The following LSAMP variants were observed in gnomAD, a reference collection of about 807,000 sequenced individuals.
The protein encoded by LSAMP is limbic system-associated membrane protein.
Under a neutral mutation model 38.6 loss-of-function variants are expected in LSAMP, and 7 were observed. The ratio of observed to expected loss-of-function variants is 0.18; its 90% confidence interval spans 0.10 to 0.34. The LOEUF is 0.34. Among genes scored for constraint, LSAMP ranks in the 10% least tolerant of loss-of-function variants. The pLI is 1.00. For synonymous variants in LSAMP, 154 were observed against 166.8 expected, an observed-to-expected ratio of 0.92 and a Z score of 0.59; for missense variants, 313 against 420.0, an observed-to-expected ratio of 0.75 and a Z score of 2.23.
At chr3:115,902,609 T>C (rs1331655393) in intron 3 of LSAMP, among the ~76,000 whole-genome samples, 1 of 152,160 alleles carries the variant, frequency 6.6e-6, no homozygotes, top group Non-Finnish European at 1.5e-5. Context: ...AAAGGTTTAA[T>C]ATCCAGCATC....
chr3:116,033,782 GA>G (rs1023021537), intron 2 of LSAMP, among the ~76,000 whole-genome samples: 36 of 151,862 alleles, frequency 2.4e-4, no homozygotes, highest in Admixed American at 2.4e-3. Context: ...GGTTCATATA[GA>G]AAAAAAACCT....
chr3:116,410,120 A>G (rs567405493), intron 1 of LSAMP, among the ~76,000 whole-genome samples: 4 of 152,202 alleles, frequency 2.6e-5, no homozygotes, highest in African/African-American at 7.2e-5. Flanking sequence ...AATTTTCAGC[A>G]CATTAAGATA....
chr3:116,392,228 C>A (rs1480400939), intron 1 of LSAMP, among the ~76,000 whole-genome samples: 2 of 152,192 alleles, frequency 1.3e-5, no homozygotes, highest in African/African-American at 4.8e-5. Context: ...AGTGGGAACT[C>A]TCCAGGTGCA....
In LSAMP at chr3:116,163,092, T is replaced by C. The variant is rs200900531; in HGVS notation, c.156-76536A>G. On this transcript the variant is annotated intron_variant, in intron 1 of 6. Coordinates refer to ENST00000490035, the MANE Select transcript of LSAMP (RefSeq NM_002338.5). ...TTTTTTTTAAATTTTATTATTATTA[T>C]ACTTTAAGTTTTAGGGTACATGTGC... is the stretch of plus-strand genomic sequence containing the variant. 4.6e-5 allele frequency among the ~76,000 whole-genome samples: 7 copies of C among 152,110 alleles called. No homozygotes were observed. The East Asian group carries it at 9.7e-4, about 21-fold the overall frequency.
intron 3 of LSAMP, among the ~76,000 whole-genome samples, chr3:115,904,111 CAAA>C (rs957751464): frequency 6.6e-6 from 1 of 151,308 alleles, no homozygotes; most frequent in South Asian, 2.1e-4. Context: ...CGACGGTAGT[CAAA>C]AAAAGTGAAG....
chr3:116,168,836 T>C (rs1576407669), intron 1 of LSAMP, among the ~76,000 whole-genome samples: 1 of 152,204 alleles, frequency 6.6e-6, no homozygotes, highest in Admixed American at 6.5e-5. Context: ...GTTCATTATA[T>C]ATTTCTAAAC....
intron 1 of LSAMP, among the ~76,000 whole-genome samples, chr3:116,241,190 A>C (rs1249895062): frequency 1.3e-5 from 2 of 151,644 alleles, no homozygotes; most frequent in South Asian, 2.1e-4. Context: ...AAAAAAAAAA[A>C]AACTTGCAGA....
chr3:115,831,587 C>A (rs578082727), intron 6 of LSAMP, among the ~76,000 whole-genome samples: 1 of 152,180 alleles, frequency 6.6e-6, no homozygotes, highest in South Asian at 2.1e-4. Flanking sequence ...TGCTCAGTAC[C>A]CAGAAACCTC....
intron 1 of LSAMP, among the ~76,000 whole-genome samples, chr3:116,188,659 G>A (rs1314600398): frequency 6.6e-6 from 1 of 152,104 alleles, no homozygotes; most frequent in Non-Finnish European, 1.5e-5. Context: ...AATCACTCCT[G>A]GGAAACGGGA....
chr3:116,427,377 C>T (rs1315793442), intron 1 of LSAMP, among the ~76,000 whole-genome samples: 1 of 152,080 alleles, frequency 6.6e-6, no homozygotes, highest in East Asian at 1.9e-4. Context: ...GCCTCGGCCT[C>T]CCAAAGTGCT....
intron 1 of LSAMP, among the ~76,000 whole-genome samples, chr3:116,119,511 A>C (rs1432874839): frequency 6.6e-6 from 1 of 152,114 alleles, no homozygotes; most frequent in Non-Finnish European, 1.5e-5. Context: ...TAAAACAAAT[A>C]CTGGGGTTAG....
intron 1 of LSAMP, among the ~76,000 whole-genome samples, chr3:116,162,610 ATGTT>A (rs1255813671): frequency 8.6e-5 from 13 of 151,498 alleles, no homozygotes; most frequent in Admixed American, 8.6e-4. Flanking sequence ...ATGAATGTGT[ATGTT>A]TTATATGTGC....
chr3:116,303,799 A>C (rs1440737239), intron 1 of LSAMP, among the ~76,000 whole-genome samples: 1 of 152,190 alleles, frequency 6.6e-6, no homozygotes, highest in Non-Finnish European at 1.5e-5. Flanking sequence ...GGATGCGCAG[A>C]ACAATCATCT....
chr3:115,926,501 C>T (rs1463518429), intron 3 of LSAMP, among the ~76,000 whole-genome samples: 3 of 152,180 alleles, frequency 2.0e-5, no homozygotes, highest in East Asian at 3.9e-4. Flanking sequence ...ACAGTTGGAT[C>T]GCCAGTGCAA....
At chr3:115,951,557 G>A (rs1288738169) in intron 3 of LSAMP, among the ~76,000 whole-genome samples, 1 of 152,178 alleles carries the variant, frequency 6.6e-6, no homozygotes, top group Non-Finnish European at 1.5e-5. Flanking sequence ...TAACATTTGA[G>A]TCAGTGGACT....
At chr3:116,050,178 A>G (rs1941367913) in intron 2 of LSAMP, among the ~76,000 whole-genome samples, 1 of 152,126 alleles carries the variant, frequency 6.6e-6, no homozygotes, top group Admixed American at 6.5e-5. Context: ...CAGCATCTCC[A>G]TGGGCTGCCT....
chr3:115,823,446 A>G (rs990309387), intron 6 of LSAMP, among the ~76,000 whole-genome samples: 22 of 152,372 alleles, frequency 1.4e-4, no homozygotes, highest in African/African-American at 5.0e-4. Flanking sequence ...TCTGTAGTAC[A>G]CTGGCAGCTC....
intron 3 of LSAMP, among the ~76,000 whole-genome samples, chr3:115,953,443 A>ACACAC (rs71141846): frequency 7.1e-6 from 1 of 141,808 alleles, no homozygotes; most frequent in African/African-American, 2.6e-5. Flanking sequence ...ACACACACAC[A>ACACAC]ATGTCTAAAA....
chr3:116,257,360 G>A (rs1269075989), intron 1 of LSAMP, among the ~76,000 whole-genome samples: 1 of 151,926 alleles, frequency 6.6e-6, no homozygotes, highest in Non-Finnish European at 1.5e-5. Context: ...TATTAAGTAG[G>A]GTTACTCTTT....
Sources: allele counts gnomAD v4.1 joint callset (sites outside exome capture counted in the v4.1 genomes callset), GRCh38; gene constraint gnomAD v4.1.1; transcripts MANE v1.5; gene names NCBI Gene and HGNC (gene_info 2026-07-23, HGNC 2026-07-21).